Variants in ADARB2 observed in about 807,000 individuals in gnomAD.
The protein encoded by ADARB2 is adenosine deaminase RNA specific B2 (inactive).
Under a neutral mutation model 62.2 loss-of-function variants are expected in ADARB2, and 25 were observed. That is an observed-to-expected ratio of 0.40 (90% CI 0.29 to 0.56). The LOEUF is 0.56. Among genes scored for constraint, ADARB2 ranks in the 20% least tolerant of loss-of-function variants. The pLI is 0.43. For missense variants in ADARB2, 1,071 were observed against 1,077.4 expected (o/e 0.99, Z 0.08); for synonymous variants, 572 against 500.8 (o/e 1.14, Z -1.90).
intron 1 of ADARB2, among the ~76,000 whole-genome samples, chr10:1,598,310 C>T (rs997620579): frequency 1.3e-5 from 2 of 151,724 alleles, no homozygotes; most frequent in African/African-American, 4.8e-5. Context: ...CTGAGACATC[C>T]CCTGCTGGGT....
chr10:1,363,958 C>T (rs986294009), intron 2 of ADARB2, 41 bp from the exon 3 acceptor site: 4 of 1,417,836 alleles, frequency 2.8e-6, no homozygotes, highest in Non-Finnish European at 2.7e-6. Context: ...TGGGCGGGCG[C>T]CGGCAGGTCG....
chr10:1,399,424 C>A (rs1182546039), intron 1 of ADARB2, among the ~76,000 whole-genome samples: 1 of 151,134 alleles, frequency 6.6e-6, no homozygotes, highest in Non-Finnish European at 1.5e-5. Context: ...AGAATCTGGC[C>A]AATCATATCT....
At chr10:1,480,294 G>A (rs2131923656) in intron 1 of ADARB2, among the ~76,000 whole-genome samples, 2 of 152,308 alleles carry the variant, frequency 1.3e-5, no homozygotes, top group Admixed American at 1.3e-4. Context: ...AAAACTAAAA[G>A]CATTGTTAGA....
chr10:1,619,100 G>A (rs1389896319), intron 1 of ADARB2, among the ~76,000 whole-genome samples: 4 of 152,154 alleles, frequency 2.6e-5, no homozygotes, highest in Admixed American at 6.5e-5. Flanking sequence ...GAAGGCGAGA[G>A]ACATGTGGAA....
chr10:1,493,604 A>C (rs922478257), intron 1 of ADARB2, among the ~76,000 whole-genome samples: 1 of 152,014 alleles, frequency 6.6e-6, no homozygotes, highest in East Asian at 1.9e-4. Flanking sequence ...TAATTTACCA[A>C]GTGTTTGTCC....
chr10:1,314,414 C>CCT (rs1399951061), intron 3 of ADARB2, among the ~76,000 whole-genome samples: 1 of 151,954 alleles, frequency 6.6e-6, no homozygotes, highest in African/African-American at 2.4e-5. Context: ...CGGGCCCTGC[C>CCT]CTCCCTGGTC....
intron 1 of ADARB2, among the ~76,000 whole-genome samples, chr10:1,730,057 T>C (rs1835212683): frequency 6.6e-6 from 1 of 152,230 alleles, no homozygotes; most frequent in Admixed American, 6.5e-5. Flanking sequence ...CTGAAGGTGT[T>C]GAGCTATCAT....
At chr10:1,421,881 T>C (rs1832855144) in intron 1 of ADARB2, among the ~76,000 whole-genome samples, 1 of 152,242 alleles carries the variant, frequency 6.6e-6, no homozygotes, top group African/African-American at 2.4e-5. Flanking sequence ...ATTTGTTCCT[T>C]GATGGGTCTG....
chr10:1,452,745 A>AC (rs59466549), intron 1 of ADARB2, among the ~76,000 whole-genome samples: 149,342 of 151,364 alleles, frequency 0.99, 73,693 homozygotes, highest in Non-Finnish European at 1. Flanking sequence ...GCACGTGTAT[A>AC]CTGTGTAACA....
intron 6 of ADARB2, among the ~76,000 whole-genome samples, chr10:1,218,785 C>T (rs1830655449): frequency 1.3e-5 from 2 of 152,036 alleles, no homozygotes; most frequent in Non-Finnish European, 2.9e-5. Flanking sequence ...TGGCTCACGC[C>T]TGTAATCCCA....
intron 3 of ADARB2, among the ~76,000 whole-genome samples, chr10:1,271,973 T>G (rs1459284089): frequency 3.3e-5 from 5 of 152,358 alleles, no homozygotes; most frequent in African/African-American, 1.2e-4. Context: ...TGAATCATCT[T>G]CATTTCCACC....
At chr10:1,359,839 C>T (rs1268428788) in intron 3 of ADARB2, among the ~76,000 whole-genome samples, 27 of 152,258 alleles carry the variant, frequency 1.8e-4, no homozygotes, top group Admixed American at 1.8e-3. Context: ...GACCGCTGAC[C>T]TCCCTTGAGA....
rs533089697 is a variant in ADARB2 at position 1,711,345 on chromosome 10, C to T, written c.100+25706G>A. ...TCTGGAGGGGAACCCGCTGGACACCCGGTGCCATGCTGAGGTCACAGCTCT... is the reference window on the plus strand; with the variant it reads ...TCTGGAGGGGAACCCGCTGGACACCTGGTGCCATGCTGAGGTCACAGCTCT... On this transcript the variant is annotated intron_variant, in intron 1 of 9. Transcript: ENST00000381312. Among the ~76,000 whole-genome samples the T allele has an allele frequency of 5.1e-4, 78 of 152,296 alleles. 1 individual carries two copies. The highest frequency in any genetic ancestry group is 1.6e-3 in the African/African-American group (68 of 41,566).
Position 1,524,101 on chromosome 10 carries a change from G to GATAA in ADARB2, c.101-144942_101-144941insTTAT, listed in dbSNP as rs556667028. ...AGATAGATAGATAGATAGATAGATA[G>GATAA]ATTAGAGAGAGAGAGAATAGATGAT... is the stretch of plus-strand genomic sequence containing the variant. On this transcript the variant is annotated intron_variant, in intron 1 of 9. Coordinates refer to ENST00000381312, the MANE Select transcript of ADARB2 (RefSeq NM_018702.4). 6.1e-3 allele frequency among the ~76,000 whole-genome samples: 926 copies of GATAA among 151,632 alleles called. 6 individuals are homozygous for GATAA. Among genetic ancestry groups the GATAA allele is most frequent in the Middle Eastern group, 0.014 (4 of 292 alleles).
At chr10:1,268,029 C>T (rs762132564) in intron 4 of ADARB2, among the ~76,000 whole-genome samples, 2 of 152,124 alleles carry the variant, frequency 1.3e-5, no homozygotes, top group Non-Finnish European at 2.9e-5. Flanking sequence ...CTGCCACCCT[C>T]AACGCACAGA....
chr10:1,566,092 A>C (rs77434918), intron 1 of ADARB2, among the ~76,000 whole-genome samples: 4,209 of 93,782 alleles, frequency 0.045, 289 homozygotes, highest in East Asian at 0.062. Context: ...AAAAAAAAAA[A>C]AAAAAAAAAA....
chr10:1,184,026 G>A (rs1321450542), intron 9 of ADARB2, among the ~76,000 whole-genome samples: 1 of 152,236 alleles, frequency 6.6e-6, no homozygotes, highest in Admixed American at 6.5e-5. Flanking sequence ...GGAGAAGGGA[G>A]ACCCCGGCAG....
intron 3 of ADARB2, among the ~76,000 whole-genome samples, chr10:1,327,876 C>T (rs1468142741): frequency 1.5e-5 from 2 of 133,522 alleles, no homozygotes; most frequent in African/African-American, 2.7e-5. Context: ...CTCCTCACAG[C>T]TCAGCGCCTC....
intron 1 of ADARB2, among the ~76,000 whole-genome samples, chr10:1,627,837 A>C (rs1833790832): frequency 6.6e-6 from 1 of 152,138 alleles, no homozygotes; most frequent in African/African-American, 2.4e-5. Context: ...CGTAGAGATC[A>C]CCTGTCTCTT....
Sources: allele counts gnomAD v4.1 joint callset (sites outside exome capture counted in the v4.1 genomes callset), GRCh38; gene constraint gnomAD v4.1.1; transcripts MANE v1.5; gene names NCBI Gene and HGNC (gene_info 2026-07-23, HGNC 2026-07-21).